The following COL11A1 variants were observed in gnomAD, a reference collection of about 807,000 sequenced individuals.
COL11A1 encodes collagen alpha-1(XI) chain.
A neutral mutation model predicts 265.2 loss-of-function variants in COL11A1; 74 were observed. The ratio of observed to expected loss-of-function variants is 0.28; its 90% confidence interval spans 0.23 to 0.34. COL11A1 has a LOEUF of 0.34. COL11A1 is among the 10% of genes least tolerant of loss of function. The pLI is 1.00. For synonymous variants in COL11A1, 816 were observed against 727.6 expected (o/e 1.12, Z -1.96); for missense variants, 2,165 against 2,263.6 (o/e 0.96, Z 0.88).
intron 52 of COL11A1, among the ~76,000 whole-genome samples, chr1:102,913,916 G>T (rs1447755973): frequency 6.6e-6 from 1 of 152,020 alleles, no homozygotes; most frequent in African/African-American, 2.4e-5. Context: ...TTAAAATCCA[G>T]CATGCTCTTT....
intron 41 of COL11A1, among the ~76,000 whole-genome samples, chr1:102,956,780 T>C (rs1660411353): frequency 6.6e-6 from 1 of 151,874 alleles, no homozygotes; most frequent in South Asian, 2.1e-4. Flanking sequence ...GTTTTTACAA[T>C]AGTTATCAAA....
intron 41 of COL11A1, among the ~76,000 whole-genome samples, chr1:102,949,373 C>T (rs1344769450): frequency 6.6e-6 from 1 of 151,716 alleles, no homozygotes; most frequent in Non-Finnish European, 1.5e-5. Context: ...TTGTAATTGG[C>T]TATACAAAAA....
chr1:102,946,867 A>G lies in COL11A1; in HGVS notation c.3258T>C (p.Ala1086=), dbSNP rs942625435. The part of the protein sequence containing the change: ...RPGPQGPPGP[A]GEKGAPGEKG... ...TACTTACAGGAGCACCTTTCTCTCC[A>G]GCTGGACCAGGAGGACCCTGAGGTC... Residue 1086 remains alanine (A), a synonymous_variant, in exon 42 of 67, where the codon GCT becomes GCC. Transcript: ENST00000370096. The G allele has an allele frequency of 6.2e-7, 1 of 1,613,498 alleles. No individual in the cohort carries two copies. The highest frequency in any genetic ancestry group is 1.1e-5 in the South Asian group (1 of 90,920).
intron 1 of COL11A1, among the ~76,000 whole-genome samples, chr1:103,107,151 GA>G (rs979214986): frequency 6.6e-6 from 1 of 152,066 alleles, no homozygotes; most frequent in African/African-American, 2.4e-5. Flanking sequence ...GGGGAGGAGT[GA>G]AGTCGCTCTC....
rs369288970 is a variant in COL11A1, at chr1:102,912,142, G to T, written c.4086+17C>A. On this transcript the variant is annotated intron_variant, in intron 54 of 66. Coordinates refer to ENST00000370096, the MANE Select transcript of COL11A1 (RefSeq NM_001854.4). ...CTAATGAGCATATGTTTCAAATAAAGAATTAAAGAAACTTACTCGTTTTCC... is the reference window on the plus strand; with the variant it reads ...CTAATGAGCATATGTTTCAAATAAATAATTAAAGAAACTTACTCGTTTTCC... The T allele has an allele frequency of 5.0e-6, 8 of 1,599,788 alleles. No homozygotes were observed. Among genetic ancestry groups the T allele is most frequent in the Non-Finnish European group, 6.0e-6 (7 of 1,170,858 alleles).
At chr1:102,935,631 T>C (rs930981092) in intron 44 of COL11A1, among the ~76,000 whole-genome samples, 4 of 152,240 alleles carry the variant, frequency 2.6e-5, no homozygotes, top group Admixed American at 1.3e-4. Flanking sequence ...GGACCTCTTA[T>C]TTTGAGCAAT....
At chr1:102,890,662 T>G (rs995063494) in intron 57 of COL11A1, among the ~76,000 whole-genome samples, 158 bp from the exon 58 acceptor site, 5 of 152,112 alleles carry the variant, frequency 3.3e-5, no homozygotes, top group Non-Finnish European at 5.9e-5. Context: ...TAAGTAAATT[T>G]ATATATTTAA....
intron 30 of COL11A1, 29 bp downstream of exon 30, chr1:102,987,604 T>A (rs1663703296): frequency 6.7e-7 from 1 of 1,486,852 alleles, no homozygotes. Flanking sequence ...GCTGCAAGAG[T>A]ACCAGTGAAT....
At chr1:103,071,165 C>T (rs1002682528) in intron 4 of COL11A1, among the ~76,000 whole-genome samples, 2 of 151,852 alleles carry the variant, frequency 1.3e-5, no homozygotes, top group Non-Finnish European at 2.9e-5. Flanking sequence ...CTACTCATTG[C>T]TTCCACGAAA....
chr1:102,896,732 T>C (rs1161082411), intron 57 of COL11A1, among the ~76,000 whole-genome samples: 2 of 152,214 alleles, frequency 1.3e-5, no homozygotes, highest in Non-Finnish European at 2.9e-5. Flanking sequence ...TCAGAAGGTT[T>C]TATTTTTAAT....
chr1:103,018,479 T>G (rs751626978), intron 10 of COL11A1, among the ~76,000 whole-genome samples: 2 of 152,170 alleles, frequency 1.3e-5, no homozygotes, highest in Non-Finnish European at 2.9e-5. Context: ...GCAGTCTACC[T>G]AGAAGTTGAG....
intron 46 of COL11A1, among the ~76,000 whole-genome samples, chr1:102,926,143 C>G (rs1337869942): frequency 1.3e-5 from 2 of 151,952 alleles, no homozygotes; most frequent in South Asian, 2.1e-4. Context: ...ATTATTATTA[C>G]AATTAGTGGA....
chr1:103,101,586 C>T lies in COL11A1; in HGVS notation c.106+6487G>A, dbSNP rs1183603300. On this transcript the variant is annotated intron_variant, in intron 1 of 66. Coordinates refer to ENST00000370096, the MANE Select transcript of COL11A1 (RefSeq NM_001854.4). ...AGTCTAAGGTTCACTCCTTTAAGCC[C>T]GGATGTCAGTTTACCAGTCAAACAG... is the stretch of plus-strand genomic sequence containing the variant. Among the ~76,000 whole-genome samples, 5 of 151,776 alleles carry T rather than the reference C, an allele frequency of 3.3e-5. No individual in the cohort carries two copies. The East Asian group carries it at 5.8e-4, about 18-fold the overall frequency.
intron 36 of COL11A1, 56 bp downstream of exon 36, chr1:102,974,774 C>T: frequency 7.4e-7 from 1 of 1,359,646 alleles, no homozygotes; most frequent in Admixed American, 1.7e-5. Flanking sequence ...AGCTGTGACT[C>T]TCAAAAATGT....
Position 103,001,824 on chromosome 1 carries a change from C to A in COL11A1, c.2142+101G>T, listed in dbSNP as rs1019013923. On this transcript the variant is annotated intron_variant, in intron 24 of 66. Coordinates refer to ENST00000370096, the MANE Select transcript of COL11A1 (RefSeq NM_001854.4). The stretch of plus-strand genomic sequence containing the variant: ...ATTAATTCCTTATGTGCTGAGCTAT[C>A]TAGATATCTTAACAAAAACAGAAGG... The A allele has an allele frequency of 1.8e-5, 18 of 995,760 alleles. No individual in the cohort carries two copies. In the African/African-American group the frequency reaches 2.9e-4, roughly 16 times the overall value. The allele number at this position is 995,760 out of a possible 1,614,324, so 61.7% of individuals were successfully genotyped here. A position where few individuals can be genotyped will look rare whatever the true frequency, so the allele number is the denominator to read the frequency against.
At chr1:103,048,503 G>C (rs1445205965) in intron 4 of COL11A1, among the ~76,000 whole-genome samples, 1 of 151,762 alleles carries the variant, frequency 6.6e-6, no homozygotes, top group Non-Finnish European at 1.5e-5. Flanking sequence ...TTCTTTATTA[G>C]TCTTGCTAGC....
intron 4 of COL11A1, among the ~76,000 whole-genome samples, chr1:103,047,581 T>C (rs184892861): frequency 7.2e-5 from 11 of 152,314 alleles, no homozygotes; most frequent in African/African-American, 2.4e-4. Context: ...TTTTCCTAAT[T>C]GAATACCCTT....
chr1:103,024,149 T>TG (rs1470211812), intron 7 of COL11A1, among the ~76,000 whole-genome samples: 1 of 152,090 alleles, frequency 6.6e-6, no homozygotes. Context: ...TTTTTTGAGA[T>TG]GGGGTCTCAA....
chr1:102,878,823 A>G (rs945345972), intron 66 of COL11A1, among the ~76,000 whole-genome samples: 2 of 152,052 alleles, frequency 1.3e-5, no homozygotes, highest in East Asian at 3.9e-4. Flanking sequence ...CAGTATAAAT[A>G]ATACATCTTT....
Sources: allele counts gnomAD v4.1 joint callset (sites outside exome capture counted in the v4.1 genomes callset), GRCh38; gene constraint gnomAD v4.1.1; transcripts MANE v1.5; gene names NCBI Gene and HGNC (gene_info 2026-07-23, HGNC 2026-07-21).